MACROH2A2: variants seen among roughly 807,000 people sequenced by gnomAD.
The protein encoded by MACROH2A2 is core histone macro-H2A.2.
MACROH2A2 carries 6 observed loss-of-function variants against 37.6 expected under a neutral mutation model. The observed-to-expected ratio is 0.16, with a 90% confidence interval of 0.09 to 0.32. The LOEUF (loss-of-function observed/expected upper bound fraction) is 0.32, where lower values mean the gene tolerates loss of function less well. Ranked by LOEUF, MACROH2A2 falls within the 10% of genes least tolerant of loss-of-function variation. The pLI is 1.00. For synonymous variants in MACROH2A2, 192 were observed against 202.7 expected (o/e 0.95, Z 0.45); for missense variants, 290 against 485.9 (o/e 0.60, Z 3.79).
At chr10:70,102,863 C>T (rs2072314762) in intron 7 of MACROH2A2, among the ~76,000 whole-genome samples, 1 of 152,104 alleles carries the variant, frequency 6.6e-6, no homozygotes, top group Non-Finnish European at 1.5e-5. Context: ...ACCCTAAGAG[C>T]CACACTCAAA....
chr10:70,091,125 C>T (rs1055625446), intron 3 of MACROH2A2, among the ~76,000 whole-genome samples: 1 of 152,222 alleles, frequency 6.6e-6, no homozygotes, highest in Non-Finnish European at 1.5e-5. Flanking sequence ...ATCATTTTCT[C>T]AAGCTGCGCT....
intron 5 of MACROH2A2, among the ~76,000 whole-genome samples, chr10:70,095,308 C>T (rs187231510): frequency 4.5e-4 from 67 of 150,312 alleles, no homozygotes; most frequent in African/African-American, 1.5e-3. Flanking sequence ...GCAGAGCTTG[C>T]AGTGAGCCGA....
intron 1 of MACROH2A2, among the ~76,000 whole-genome samples, chr10:70,064,095 A>G (rs2072064886): frequency 6.6e-6 from 1 of 152,230 alleles, no homozygotes; most frequent in South Asian, 2.1e-4. Context: ...GAGGCTGGGC[A>G]TGGTGGCTTA....
chr10:70,092,018 C>T, intron 4 of MACROH2A2, 64 bp downstream of exon 4: 1 of 1,303,368 alleles, frequency 7.7e-7, no homozygotes, highest in Middle Eastern at 2.6e-4. Flanking sequence ...TGTCTGTGTT[C>T]CCCCACAATT....
chr10:70,083,463 C>A (rs1410208792), intron 2 of MACROH2A2, among the ~76,000 whole-genome samples: 1 of 152,182 alleles, frequency 6.6e-6, no homozygotes, highest in East Asian at 1.9e-4. Flanking sequence ...CTTCCCCTGG[C>A]CAGTCTACTG....
chr10:70,094,035 G>A (rs142609859), intron 5 of MACROH2A2, among the ~76,000 whole-genome samples, 190 bp downstream of exon 5: 18 of 152,156 alleles, frequency 1.2e-4, no homozygotes, highest in Non-Finnish European at 1.6e-4. Context: ...CTTTTTTGCT[G>A]AGAATTGTTA....
At chr10:70,081,594 A>C (rs940382880) in intron 2 of MACROH2A2, among the ~76,000 whole-genome samples, 5 of 152,190 alleles carry the variant, frequency 3.3e-5, no homozygotes, top group African/African-American at 1.2e-4. Context: ...GATAAAAATC[A>C]GACAAGGACA....
At chr10:70,071,833 G>A (rs909613410) in intron 1 of MACROH2A2, among the ~76,000 whole-genome samples, 11 of 152,344 alleles carry the variant, frequency 7.2e-5, no homozygotes, top group African/African-American at 2.4e-4. Flanking sequence ...CATGTATAGG[G>A]CACTTGCCGT....
At chr10:70,074,926 A>G (rs2072131927) in intron 1 of MACROH2A2, among the ~76,000 whole-genome samples, 1 of 152,206 alleles carries the variant, frequency 6.6e-6, no homozygotes, top group Non-Finnish European at 1.5e-5. Flanking sequence ...GCCAAGAGGA[A>G]TTGTATTAGT....
At chr10:70,054,868 C>G (rs2072004710) in intron 1 of MACROH2A2, among the ~76,000 whole-genome samples, 1 of 152,178 alleles carries the variant, frequency 6.6e-6, no homozygotes, top group South Asian at 2.1e-4. Flanking sequence ...TAAAACATGC[C>G]CAGTTCTCCT....
chr10:70,103,987 A>G (rs1008322392), intron 7 of MACROH2A2, among the ~76,000 whole-genome samples: 1 of 152,218 alleles, frequency 6.6e-6, no homozygotes, highest in Non-Finnish European at 1.5e-5. Flanking sequence ...GCACCAAGGA[A>G]ATAGACATGA....
intron 2 of MACROH2A2, among the ~76,000 whole-genome samples, chr10:70,082,287 T>TGG (rs1271917769): frequency 3.3e-5 from 5 of 151,944 alleles, no homozygotes; most frequent in African/African-American, 7.2e-5. Flanking sequence ...GGTGTGGTGG[T>TGG]GCATGCCTGT....
intron 2 of MACROH2A2, among the ~76,000 whole-genome samples, chr10:70,076,366 G>T (rs2136625787): frequency 6.6e-6 from 1 of 152,258 alleles, no homozygotes; most frequent in East Asian, 1.9e-4. Flanking sequence ...CTTCACTGAG[G>T]TGATTCTCGT....
Position 70,107,852 on chromosome 10 carries a change from C to A in MACROH2A2, c.779-1181C>A, listed in dbSNP as rs1481187726. On this transcript the variant is annotated intron_variant, in intron 7 of 8. Transcript: ENST00000373255. This position sits in a 1 kb window ranked among gnomAD's most constrained non-coding sequence, Gnocchi z 4.4. ...ATCACATAAGCATAAGCCCCTGCAC[C>A]AGACCTACTGAGTCAGGACCTCTGG... 6.6e-6 allele frequency among the ~76,000 whole-genome samples: 1 copy of A among 152,152 alleles called. No individual in the cohort carries two copies. Among genetic ancestry groups the A allele is most frequent in the Non-Finnish European group, 1.5e-5 (1 of 68,036 alleles).
chr10:70,090,160 C>T lies in MACROH2A2; in HGVS notation c.273C>T (p.Leu91=), dbSNP rs867005670. Residue 91 remains leucine (L), a synonymous_variant, in exon 3 of 9, where the codon CTC becomes CTT. Transcript: ENST00000373255. The stretch of plus-strand genomic sequence containing the variant: ...TGGCAGTTGCCAATGACGAGGAGCT[C>T]AACCAGGTATGTCTGAAGCCTTGAG... ...ILLAVANDEE[L]NQLLKGVTIA... The T allele has an allele frequency of 6.2e-7, 1 of 1,604,294 alleles. No individual in the cohort carries two copies. Among genetic ancestry groups the T allele is most frequent in the Admixed American group, 1.7e-5 (1 of 60,006 alleles).
At chr10:70,104,611 G>A (rs1341899441) in intron 7 of MACROH2A2, among the ~76,000 whole-genome samples, 1 of 152,174 alleles carries the variant, frequency 6.6e-6, no homozygotes, top group Non-Finnish European at 1.5e-5. Flanking sequence ...GAAGGCAGAG[G>A]TTGCAGTGAG....
At position 70,090,143 on chromosome 10, in the gene MACROH2A2, G is replaced by A; in HGVS notation, c.256G>A (p.Ala86Thr). 1 of 1,612,890 alleles carries A rather than the reference G, an allele frequency of 6.2e-7. No individual in the cohort carries two copies. The highest frequency in any genetic ancestry group is 2.2e-5 in the East Asian group (1 of 44,882). Residue 86 changes from alanine to threonine, a missense_variant, in exon 3 of 9, where the codon GCC becomes ACC. This residue lies in a region of MACROH2A2 where 83 missense variants were observed against 159.9 expected (regional missense o/e 0.52). Transcript: ENST00000373255. ...IAPRHILLAV[A>T]NDEELNQLLK... ...CCCGAGACACATCTTGCTGGCAGTTGCCAATGACGAGGAGCTCAACCAGGT... is the reference window on the plus strand; with the variant it reads ...CCCGAGACACATCTTGCTGGCAGTTACCAATGACGAGGAGCTCAACCAGGT...
At chr10:70,061,673 A>T (rs1230308943) in intron 1 of MACROH2A2, among the ~76,000 whole-genome samples, 1 of 151,984 alleles carries the variant, frequency 6.6e-6, no homozygotes, top group Non-Finnish European at 1.5e-5. Context: ...ATGTGCCGGC[A>T]GTTGAACTTC....
chr10:70,111,557 C>G lies in MACROH2A2; in HGVS notation c.993C>G (p.Leu331=). 2 of 1,613,878 alleles carry G rather than the reference C, an allele frequency of 1.2e-6. No individual in the cohort carries two copies. The highest frequency in any genetic ancestry group is 1.7e-6 in the Non-Finnish European group (2 of 1,179,918). The part of the protein sequence containing the change: ...FPKQTAAQVT[L]KAISAHFDDS... Reference sequence around the variant, plus strand: ...AACAGACTGCGGCCCAGGTGACCCTCAAAGCCATCTCAGCCCACTTTGATG... The same window carrying G: ...AACAGACTGCGGCCCAGGTGACCCTGAAAGCCATCTCAGCCCACTTTGATG... The change falls in exon 9 of 9, where the codon CTC becomes CTG. Residue 331 remains leucine, a synonymous_variant. Transcript: ENST00000373255.
Sources: allele counts gnomAD v4.1 joint callset (sites outside exome capture counted in the v4.1 genomes callset), GRCh38; gene constraint gnomAD v4.1.1; regional missense constraint gnomAD v4.1.1; non-coding constraint Gnocchi (gnomAD v3.1); transcripts MANE v1.5; gene names NCBI Gene and HGNC (gene_info 2026-07-23, HGNC 2026-07-21).